Variants in SLC35D4 observed in about 807,000 individuals in gnomAD.
SLC35D4 encodes UDP-N-acetylglucosamine transporter SLC35D4.
the SLC35D4 span, among the ~76,000 whole-genome samples, chr18:23,343,869 T>A: frequency 2.6e-5 from 4 of 152,104 alleles, no homozygotes; most frequent in Non-Finnish European, 5.9e-5. Flanking sequence ...TCCAGCTCCA[T>A]CCATGTTGCT....
the SLC35D4 span, among the ~76,000 whole-genome samples, chr18:23,291,500 G>A: frequency 6.6e-6 from 1 of 152,242 alleles, no homozygotes; most frequent in Non-Finnish European, 1.5e-5. Flanking sequence ...GGCACTGACT[G>A]AGGTCACCTG....
At chr18:23,386,871 G>C in the SLC35D4 span, among the ~76,000 whole-genome samples, 2 of 152,148 alleles carry the variant, frequency 1.3e-5, no homozygotes, top group East Asian at 1.9e-4. Flanking sequence ...GACAAGGTGA[G>C]GGGGGAGAAT....
At chr18:23,352,204 A>G in the SLC35D4 span, 3 of 1,610,488 alleles carry the variant, frequency 1.9e-6, no homozygotes, top group African/African-American at 4.0e-5. Context: ...ACCTTAGCAA[A>G]GAAAATCCAG....
At chr18:23,411,590 CAA>C in the SLC35D4 span, among the ~76,000 whole-genome samples, 1 of 151,930 alleles carries the variant, frequency 6.6e-6, no homozygotes, top group Non-Finnish European at 1.5e-5. Flanking sequence ...CTCCTAGCCA[CAA>C]AGACTGCAGA....
At chr18:23,421,572 C>G in the SLC35D4 span, 1 of 736,278 alleles carries the variant, frequency 1.4e-6, no homozygotes, top group Non-Finnish European at 2.3e-6. Flanking sequence ...TTTTCTCCTA[C>G]TCTCTCCCAA....
At chr18:23,366,733 G>C in the SLC35D4 span, among the ~76,000 whole-genome samples, 3 of 152,302 alleles carry the variant, frequency 2.0e-5, no homozygotes, top group African/African-American at 4.8e-5. Flanking sequence ...AGCCATTTCT[G>C]TGTTTCTCAT....
At chr18:23,275,551 G>T in the SLC35D4 span, among the ~76,000 whole-genome samples, 4 of 151,146 alleles carry the variant, frequency 2.6e-5, no homozygotes, top group African/African-American at 7.3e-5. Context: ...TAAATGGAGC[G>T]GGACAGGTCC....
chr18:23,276,363 C>T, the SLC35D4 span, among the ~76,000 whole-genome samples: 6 of 151,802 alleles, frequency 4.0e-5, no homozygotes, highest in Non-Finnish European at 8.8e-5. Context: ...GCTGGGATTA[C>T]AGGCTTGAGC....
At chr18:23,302,082 G>A in the SLC35D4 span, among the ~76,000 whole-genome samples, 3 of 152,222 alleles carry the variant, frequency 2.0e-5, no homozygotes, top group African/African-American at 4.8e-5. Flanking sequence ...GCCTAGAGAT[G>A]CAAAGGTGAA....
the SLC35D4 span, among the ~76,000 whole-genome samples, chr18:23,256,351 G>A: frequency 6.6e-6 from 1 of 152,228 alleles, no homozygotes; most frequent in African/African-American, 2.4e-5. Flanking sequence ...CAACTGTGTA[G>A]CACTGTGAAA....
At chr18:23,318,190 T>A in the SLC35D4 span, among the ~76,000 whole-genome samples, 198 of 152,258 alleles carry the variant, frequency 1.3e-3, 6 homozygotes, top group Non-Finnish European at 3.7e-4. Flanking sequence ...TGATGACTAA[T>A]GACACTAAGC....
the SLC35D4 span, chr18:23,430,776 C>T: frequency 3.4e-6 from 4 of 1,175,720 alleles, no homozygotes; most frequent in Admixed American, 4.4e-5. Context: ...AACCACATAA[C>T]CTAAGTAAAT....
the SLC35D4 span, chr18:23,298,016 C>A: frequency 6.2e-7 from 1 of 1,613,542 alleles, no homozygotes; most frequent in South Asian, 1.1e-5. Flanking sequence ...TTCAGGAGCT[C>A]TTCCGCTCTG....
At chr18:23,282,164 A>G in the SLC35D4 span, among the ~76,000 whole-genome samples, 5 of 152,346 alleles carry the variant, frequency 3.3e-5, no homozygotes, top group Admixed American at 3.3e-4. Flanking sequence ...ACATGTGCAG[A>G]CACTTTGCCT....
At chr18:23,393,159 T>C in the SLC35D4 span, among the ~76,000 whole-genome samples, 2 of 152,034 alleles carry the variant, frequency 1.3e-5, no homozygotes, top group Non-Finnish European at 2.9e-5. Flanking sequence ...TCATGATCCA[T>C]CCACCTCAGG....
At chr18:23,309,562 G>A in the SLC35D4 span, 1 of 792,550 alleles carries the variant, frequency 1.3e-6, no homozygotes, top group East Asian at 2.5e-5. Context: ...ATTTGCATTT[G>A]GATGGAGATA....
the SLC35D4 span, among the ~76,000 whole-genome samples, chr18:23,374,003 G>GACATCTGCAAAACATCC: frequency 6.6e-6 from 1 of 152,250 alleles, no homozygotes; most frequent in South Asian, 2.1e-4. Flanking sequence ...CCAGAGTCAG[G>GACATCTGCAAAACATCC]CATTTACAGG....
the SLC35D4 span, among the ~76,000 whole-genome samples, chr18:23,362,645 T>C: frequency 6.6e-6 from 1 of 151,854 alleles, no homozygotes; most frequent in Non-Finnish European, 1.5e-5. Context: ...AGAAAGGCAA[T>C]AAAGTGTAGG....
At chr18:23,336,703 G>T in the SLC35D4 span, among the ~76,000 whole-genome samples, 1 of 152,240 alleles carries the variant, frequency 6.6e-6, no homozygotes, top group African/African-American at 2.4e-5. Context: ...GGAGGAGTGA[G>T]GTGTCCTCAG....
Sources: allele counts gnomAD v4.1 joint callset (sites outside exome capture counted in the v4.1 genomes callset), GRCh38; gene constraint gnomAD v4.1.1; transcripts MANE v1.5; gene names NCBI Gene and HGNC (gene_info 2026-07-23, HGNC 2026-07-21).